SLC11A2: variants seen among roughly 807,000 people sequenced by gnomAD.
SLC11A2 encodes the protein natural resistance-associated macrophage protein 2.
SLC11A2 carries 38 observed loss-of-function variants against 68.0 expected under a neutral mutation model. The ratio of observed to expected loss-of-function variants is 0.56; its 90% CI spans 0.43 to 0.73. The LOEUF (loss-of-function observed/expected upper bound fraction) is 0.73. SLC11A2 is among the 30% of genes least tolerant of loss of function. The pLI is 0.00. For synonymous variants in SLC11A2, 242 were observed against 250.6 expected (o/e 0.97, Z 0.32); for missense variants, 517 against 690.5 (o/e 0.75, Z 2.82).
At chr12:50,958,795 T>C in the SLC11A2 span, among the ~76,000 whole-genome samples, 2 of 151,372 alleles carry the variant, frequency 1.3e-5, no homozygotes, top group Non-Finnish European at 2.9e-5. Flanking sequence ...GGTGGGTGGA[T>C]CACTTGGGGC....
intron 6 of SLC11A2, among the ~76,000 whole-genome samples, 186 bp downstream of exon 6, chr12:51,000,127 C>A (rs987289472): frequency 6.6e-6 from 1 of 152,126 alleles, no homozygotes; most frequent in Non-Finnish European, 1.5e-5. Context: ...CATAACCCAC[C>A]ATGGGAAACG....
chr12:50,963,479 C>A, the SLC11A2 span, among the ~76,000 whole-genome samples: 1 of 151,980 alleles, frequency 6.6e-6, no homozygotes, highest in Admixed American at 6.6e-5. Flanking sequence ...AGACTGGAAC[C>A]CTTGTGGGTT....
chr12:50,963,472 C>A, the SLC11A2 span, among the ~76,000 whole-genome samples: 1 of 151,766 alleles, frequency 6.6e-6, no homozygotes. Flanking sequence ...ACAGGACAGA[C>A]TGGAACCCTT....
rs1940529928 is a variant in SLC11A2 at position 50,986,186 on chromosome 12, G to C, written c.*2139C>G. 1 of 1,284,752 alleles carries C rather than the reference G, an allele frequency of 7.8e-7. No homozygotes were observed. The highest frequency in any genetic ancestry group is 1.0e-6 in the Non-Finnish European group (1 of 986,800). The allele number at this position is 1,284,752 out of a possible 1,614,324, so 79.6% of individuals were successfully genotyped here. On this transcript the variant is annotated 3_prime_UTR_variant, in exon 16 of 16. Coordinates refer to ENST00000262052, the MANE Select transcript of SLC11A2 (RefSeq NM_000617.3). ...TTCATGTCACATTTAAGAAGAACAA[G>C]AACCAATTTATATAAAGTACAATTG... is the stretch of plus-strand genomic sequence containing the variant.
intron 12 of SLC11A2, 79 bp from the exon 13 acceptor site, chr12:50,992,418 C>T (rs1941243551): frequency 3.7e-6 from 5 of 1,335,332 alleles, no homozygotes; most frequent in African/African-American, 1.5e-5. Context: ...GGAGAGACCT[C>T]AGAAGAATGG....
In SLC11A2 at chr12:50,992,894, T is replaced by A; in HGVS notation, c.1113A>T (p.Ala371=). 6.2e-7 allele frequency: 1 copy of A among 1,613,720 alleles called. No individual in the cohort carries two copies. The highest frequency in any genetic ancestry group is 8.5e-7 in the Non-Finnish European group (1 of 1,179,940). ...VVLGCYFGPA[A]LYIWAVGILA... ...GGATCCCCACTGCCCAAATGTAGAG[T>A]GCAGCAGGCCCAAAGTAACATCCCA... The change falls in exon 12 of 16, where the codon GCA becomes GCT. Residue 371 remains alanine, a synonymous_variant. Transcript: ENST00000262052.
chr12:51,028,793 C>G (rs1056899866), upstream of SLC11A2, among the ~76,000 whole-genome samples: 4 of 152,284 alleles, frequency 2.6e-5, no homozygotes, highest in African/African-American at 9.6e-5. Context: ...CCCTCGGGAT[C>G]TAAAGGACCC....
At chr12:51,003,589 A>G (rs1374768259) in intron 5 of SLC11A2, among the ~76,000 whole-genome samples, 1 of 149,532 alleles carries the variant, frequency 6.7e-6, no homozygotes, top group Non-Finnish European at 1.5e-5. Context: ...ACAAATATAT[A>G]TATATATAAT....
chr12:50,954,212 C>T, the SLC11A2 span: 1 of 618,624 alleles, frequency 1.6e-6, no homozygotes, highest in East Asian at 2.7e-5. Flanking sequence ...TGAAGCTAAC[C>T]TCCTCTAAGC....
downstream of SLC11A2, among the ~76,000 whole-genome samples, chr12:50,976,024 C>T (rs1939843901): frequency 6.6e-6 from 1 of 152,120 alleles, no homozygotes; most frequent in Admixed American, 6.5e-5. Context: ...AAAAAAAGTC[C>T]AGGACCAGAC....
chr12:50,975,666 CAGAAAAAACCCTTCAAAAAAATCA>C (rs1939838543), downstream of SLC11A2, among the ~76,000 whole-genome samples: 1 of 151,998 alleles, frequency 6.6e-6, no homozygotes, highest in Non-Finnish European at 1.5e-5. Context: ...AAGATAGAGA[CAGAAAAAACCCTTCAAAAAAATCA>C]ATGAATCCAG....
At chr12:50,992,778 G>A (rs771614369) in intron 12 of SLC11A2, 32 bp downstream of exon 12, 3 of 1,565,800 alleles carry the variant, frequency 1.9e-6, no homozygotes, top group Non-Finnish European at 2.6e-6. Flanking sequence ...AAAGGGTTGT[G>A]TTATCTCCCT....
downstream of SLC11A2, among the ~76,000 whole-genome samples, chr12:50,982,810 G>A (rs1383108782): frequency 4.1e-5 from 6 of 147,836 alleles, no homozygotes; most frequent in East Asian, 2.0e-4. Context: ...GCATGGTGGC[G>A]CATGCCTGTA....
chr12:50,993,107 C>A, intron 11 of SLC11A2, 178 bp from the exon 12 acceptor site: 1 of 676,270 alleles, frequency 1.5e-6, no homozygotes, highest in Admixed American at 2.2e-5. Context: ...CAGAAGCTTT[C>A]AGTCTAAACT....
At chr12:50,961,115 AT>A in the SLC11A2 span, 1 of 1,613,206 alleles carries the variant, frequency 6.2e-7, no homozygotes, top group Non-Finnish European at 8.5e-7. Context: ...AACCCGCTTA[AT>A]TTGTATCTTA....
the SLC11A2 span, among the ~76,000 whole-genome samples, chr12:50,964,838 T>C: frequency 2.6e-5 from 4 of 152,368 alleles, no homozygotes; most frequent in African/African-American, 9.6e-5. Flanking sequence ...ATCTGTCTTC[T>C]GCCAAATAGG....
chr12:50,992,981 A>T (rs1405463734), intron 11 of SLC11A2, 52 bp from the exon 12 acceptor site: 1 of 1,610,330 alleles, frequency 6.2e-7, no homozygotes, highest in African/African-American at 1.3e-5. Flanking sequence ...CTGCTCAGAC[A>T]ATATCCAAAA....
chr12:50,953,239 A>C, the SLC11A2 span, among the ~76,000 whole-genome samples: 1 of 152,352 alleles, frequency 6.6e-6, no homozygotes, highest in African/African-American at 2.4e-5. Context: ...GACAGACAGC[A>C]GGTGGCGGGG....
At chr12:51,024,058 T>C (rs1944223352) in intron 1 of SLC11A2, among the ~76,000 whole-genome samples, 2 of 152,204 alleles carry the variant, frequency 1.3e-5, no homozygotes, top group African/African-American at 4.8e-5. Context: ...TTATACCAAC[T>C]GCACTTCAAC....
Sources: gnomAD v4.1 joint callset for allele counts (sites outside exome capture counted in the v4.1 genomes callset) on GRCh38, gnomAD v4.1.1 for gene constraint, MANE v1.5 for transcripts, NCBI Gene and HGNC (gene_info 2026-07-23, HGNC 2026-07-21) for gene names.